Variants in ZXDC observed in about 807,000 individuals in gnomAD.
The protein encoded by ZXDC is ZXD family zinc finger C.
A neutral mutation model predicts 63.6 loss-of-function variants in ZXDC; 58 were observed. The observed-to-expected ratio is 0.91, with a 90% CI of 0.74 to 1.13. The LOEUF is 1.13. Among genes scored for constraint, ZXDC ranks in the 50% most tolerant of loss-of-function variants. ZXDC has a pLI of 0.00. For missense variants in ZXDC, 1,133 were observed against 1,148.9 expected (o/e 0.99, Z 0.20); for synonymous variants, 561 against 496.1 (o/e 1.13, Z -1.74).
At chr3:126,452,223 A>G (rs764556242) in intron 7 of ZXDC, 31 of 985,318 alleles carry the variant, frequency 3.1e-5, no homozygotes, top group African/African-American at 5.2e-5. Context: ...TCTTAGCTAC[A>G]GTGCAAATCC....
At chr3:126,463,777 A>G (rs1934646871) in intron 5 of ZXDC, among the ~76,000 whole-genome samples, 1 of 152,204 alleles carries the variant, frequency 6.6e-6, no homozygotes, top group Non-Finnish European at 1.5e-5. Flanking sequence ...TCCCAAGCTC[A>G]TACCTGCAGG....
Position 126,438,262 on chromosome 3 carries a change from A to G in ZXDC, c.*113T>C, listed in dbSNP as rs1031039379. ...TGTACCCAAAAGTCTCAAAAGGGCT[A>G]CGCTGGTCTTCTGAACGGAAACCAA... On this transcript the variant is annotated 3_prime_UTR_variant, in exon 10 of 10. Transcript: ENST00000389709. The G allele has an allele frequency of 3.8e-5, 32 of 832,892 alleles. No homozygotes were observed. The African/African-American group carries it at 4.6e-4, about 12-fold the overall frequency. 51.6% of individuals were successfully genotyped at this position (832,892 alleles called of 1,614,324 possible). A position where few individuals can be genotyped will look rare whatever the true frequency, so the allele number is the denominator to read the frequency against.
intron 7 of ZXDC, among the ~76,000 whole-genome samples, chr3:126,446,224 A>G (rs773793881): frequency 6.6e-6 from 1 of 152,230 alleles, no homozygotes; most frequent in Non-Finnish European, 1.5e-5. Context: ...GAGGAGCAGT[A>G]TAAATCCAAC....
intron 8 of ZXDC, 188 bp downstream of exon 8, chr3:126,441,577 G>A (rs1173880500): frequency 3.0e-6 from 4 of 1,335,394 alleles, no homozygotes; most frequent in East Asian, 2.9e-5. Flanking sequence ...AGGACAGGCT[G>A]GGAAAAAGGG....
Position 126,472,025 on chromosome 3 carries a change from CAG to C in ZXDC, c.1085_1086del (p.Ser362Ter). On this transcript the variant is annotated frameshift_variant, in exon 3 of 10. Transcript: ENST00000389709. LOFTEE classifies it high-confidence loss of function. ...HTGERPFICD[S>X]DSCGWTFTSM... The stretch of plus-strand genomic sequence containing the variant: ...CTGGTGAAGGTCCAGCCACAGCTGT[CAG>C]AGTCACAAATAAATGGTCTTTCACC... 1 of 1,613,712 alleles carries C rather than the reference CAG, an allele frequency of 6.2e-7. No homozygotes were observed.
rs1934561282 is a variant in ZXDC, at chr3:126,461,871, A to G, written c.1791T>C (p.Ser597=). 6.2e-7 allele frequency: 1 copy of G among 1,614,136 alleles called. No individual in the cohort carries two copies. Among genetic ancestry groups the G allele is most frequent in the Non-Finnish European group, 8.5e-7 (1 of 1,180,010 alleles). The change falls in exon 6 of 10, where the codon AGT becomes AGC. Residue 597 remains serine (S), a synonymous_variant. Coordinates refer to ENST00000389709, the MANE Select transcript of ZXDC (RefSeq NM_025112.5). ...AATVLQQGSF[S]VDDVQTVSAG... is the part of the protein sequence containing the mutation. ...CACTCACAGTCTGCACGTCATCCAC[A>G]CTGAAGCTGCCCTGCTGCAGAACCG...
chr3:126,444,727 C>T (rs943681127), intron 7 of ZXDC, among the ~76,000 whole-genome samples: 11 of 152,150 alleles, frequency 7.2e-5, no homozygotes, highest in African/African-American at 7.2e-5. Context: ...CAAATGTGTA[C>T]GCCACGCTCT....
chr3:126,459,609 C>A (rs774505933), intron 7 of ZXDC, 44 bp downstream of exon 7: 2 of 1,612,674 alleles, frequency 1.2e-6, no homozygotes, highest in South Asian at 1.1e-5. Context: ...TGACAGAGAA[C>A]CCTCAGGCCC....
chr3:126,461,788 A>G lies in ZXDC; in HGVS notation c.1874T>C (p.Leu625Pro). The part of the protein sequence containing the change: ...LPMKNLSDDP[L>P]ALTSNSNLAA... ...TAAGTTACTATTGGAGGTCAAAGCCAGTGGGTCGTCACTCAAGTTCTTCAT... is the reference window on the plus strand; with the variant it reads ...TAAGTTACTATTGGAGGTCAAAGCCGGTGGGTCGTCACTCAAGTTCTTCAT... Residue 625 changes from leucine (L) to proline (P), a missense_variant, in exon 6 of 10, where the codon CTG (leucine) becomes CCG (proline). Transcript: ENST00000389709. The G allele has an allele frequency of 6.2e-7, 1 of 1,614,098 alleles. No individual in the cohort carries two copies. Among genetic ancestry groups the G allele is most frequent in the South Asian group, 1.1e-5 (1 of 91,068 alleles).
intron 7 of ZXDC, chr3:126,450,378 A>G (rs1203151064): frequency 2.2e-5 from 10 of 456,602 alleles, no homozygotes; most frequent in Admixed American, 2.1e-4. Flanking sequence ...TCCCCGGCTT[A>G]GAGATCCACG....
At position 126,470,911 on chromosome 3, in the gene ZXDC, G is replaced by C. The variant is rs773982813; in HGVS notation, c.1254C>G (p.Phe418Leu). The C allele has an allele frequency of 1.7e-5, 27 of 1,614,062 alleles. No homozygotes were observed. The highest frequency in any genetic ancestry group is 2.5e-6 in the Non-Finnish European group (3 of 1,180,030). ...AAAATCTACCTTCCACAGGACACTC[G>C]AACGGCTTTGTGCCTAGGTGGGTTA... ...HSITHLGTKPFECPVEGCCAR... is the reference protein window; with the variant it reads ...HSITHLGTKPLECPVEGCCAR... Residue 418 changes from phenylalanine (F) to leucine (L), a missense_variant, in exon 4 of 10, where the codon TTC becomes TTG. Coordinates refer to ENST00000389709, the MANE Select transcript of ZXDC (RefSeq NM_025112.5).
At chr3:126,451,090 C>T (rs930182874) in intron 7 of ZXDC, 1 of 984,180 alleles carries the variant, frequency 1.0e-6, no homozygotes, top group East Asian at 1.1e-4. Flanking sequence ...ACCAGGCCAC[C>T]CCAGGAGGAA....
intron 7 of ZXDC, chr3:126,452,497 T>C: frequency 1.0e-6 from 1 of 985,398 alleles, no homozygotes; most frequent in Non-Finnish European, 1.2e-6. Flanking sequence ...CTGCTCTCCC[T>C]GAAACCTCCC....
chr3:126,448,021 C>T (rs921701945), intron 7 of ZXDC, among the ~76,000 whole-genome samples: 2 of 152,220 alleles, frequency 1.3e-5, no homozygotes, highest in African/African-American at 4.8e-5. Flanking sequence ...GCAGCCCTGG[C>T]TGAACTCTTC....
Position 126,466,183 on chromosome 3 carries a change from G to A in ZXDC, c.1413C>T (p.His471=), listed in dbSNP as rs756507981. 2 of 1,614,178 alleles carry A rather than the reference G, an allele frequency of 1.2e-6. No homozygotes were observed. Among genetic ancestry groups the A allele is most frequent in the South Asian group, 2.2e-5 (2 of 91,090 alleles). The change falls in exon 5 of 10, where the codon CAC becomes CAT. Residue 471 remains histidine, a synonymous_variant. Coordinates refer to ENST00000389709, the MANE Select transcript of ZXDC (RefSeq NM_025112.5). ...LFTSKHSMKA[H]MVRQHSRRQD... ...GGCGCCGGCTGTGCTGTCTGACCAT[G>A]TGCGCCTTCATGCTGTGCTTGGAGG...
Sources: allele counts gnomAD v4.1 joint callset (sites outside exome capture counted in the v4.1 genomes callset), GRCh38; gene constraint gnomAD v4.1.1; transcripts MANE v1.5; gene names NCBI Gene and HGNC (gene_info 2026-07-23, HGNC 2026-07-21).